The following LILRA1 variants were observed in gnomAD, a reference collection of about 807,000 sequenced individuals.
The protein encoded by LILRA1 is leukocyte immunoglobulin like receptor A1, also known as leukocyte immunoglobulin-like receptor subfamily A member 1.
LILRA1 carries 51 observed loss-of-function variants against 51.6 expected under a neutral mutation model. That is an observed-to-expected ratio of 0.99 (90% CI 0.79 to 1.25). The LOEUF is 1.25. Among genes scored for constraint, LILRA1 ranks in the 50% most tolerant of loss-of-function variants. The pLI, the probability that LILRA1 is intolerant of heterozygous loss-of-function variation, is 0.00. For synonymous variants in LILRA1, 305 were observed against 248.4 expected (o/e 1.23, Z -2.14); for missense variants, 660 against 611.7 (o/e 1.08, Z -0.83).
chr19:54,593,918 C>A, intron 1 of LILRA1, 137 bp downstream of exon 1: 1 of 662,876 alleles, frequency 1.5e-6, no homozygotes, highest in Non-Finnish European at 2.7e-6. Flanking sequence ...GTTCTATTTG[C>A]TGCTACATCC....
At chr19:54,594,388 G>A (rs1287000444) in intron 2 of LILRA1, 53 bp from the exon 3 acceptor site, 15 of 1,614,096 alleles carry the variant, frequency 9.3e-6, no homozygotes, top group Non-Finnish European at 1.3e-5. Flanking sequence ...CCAGGGAGGG[G>A]AGGACCTGCC....
At position 54,594,278 on chromosome 19, in the gene LILRA1, A is replaced by G. The variant is rs1974982; in HGVS notation, c.34A>G (p.Arg12Gly). The G allele has an allele frequency of 0.12, 189,399 of 1,551,122 alleles. 21,503 individuals carry two copies. Among genetic ancestry groups the G allele is most frequent in the African/African-American group, 0.47 (33,856 of 72,084 alleles). The change falls in exon 2 of 10, where the codon AGG becomes GGG. Residue 12 changes from arginine (R) to glycine (G), a missense_variant and splice_region_variant. Transcript: ENST00000251372. Reference protein sequence around the residue: ...TPIVTVLICLRLSLGPRTHVQ... With the variant: ...TPIVTVLICLGLSLGPRTHVQ... ...CATCGTCACAGTCCTGATCTGTCTC[A>G]GTGAGATTTGAAGAGGGAGGGGAGC...
chr19:54,595,149 C>T lies in LILRA1; in HGVS notation c.408C>T (p.Thr136=), dbSNP rs749705977. The T allele has an allele frequency of 1.2e-6, 2 of 1,614,156 alleles. No homozygotes were observed. The highest frequency in any genetic ancestry group is 2.2e-5 in the East Asian group (1 of 44,884). Residue 136 remains threonine (T), a synonymous_variant, in exon 5 of 10, where the codon ACC becomes ACT. Transcript: ENST00000251372. The part of the protein sequence containing the change: ...TLSALPSPVV[T]SGGNVTLHCV... ...CAGCTCTACCCAGCCCTGTGGTGAC[C>T]TCAGGAGGGAACGTGACCCTCCATT... is the stretch of plus-strand genomic sequence containing the variant.
rs553583131 is a variant in LILRA1 at position 54,601,224 on chromosome 19, G to C, written c.*407G>C. ...CATACTCCCTGGTGTGCTTTACTGA[G>C]CCTCCATCTCTTCAATTCAGAGTTC... On this transcript the variant is annotated 3_prime_UTR_variant, in exon 10 of 10. Transcript: ENST00000251372. 4.8e-6 allele frequency: 1 copy of C among 209,788 alleles called. No individual in the cohort carries two copies. The highest frequency in any genetic ancestry group is 9.6e-6 in the Non-Finnish European group (1 of 104,192). The allele number at this position is 209,788 out of a possible 1,614,324, so 13.0% of individuals were successfully genotyped here.
At position 54,596,152 on chromosome 19, in the gene LILRA1, G is replaced by A. The variant is rs377322683; in HGVS notation, c.959-37G>A. 3.4e-5 allele frequency: 55 copies of A among 1,600,922 alleles called. No homozygotes were observed. In the Middle Eastern group the frequency reaches 5.0e-4, roughly 15 times the overall value. On this transcript the variant is annotated intron_variant, in intron 6 of 9. Transcript: ENST00000251372. ...CTGGGGAGGCGTCAGCTCAGAACAA[G>A]GTGGGGCAGCCTCTCACCCATCCTT...
Sources: gnomAD v4.1 joint callset for allele counts on GRCh38, gnomAD v4.1.1 for gene constraint, MANE v1.5 for transcripts, NCBI Gene and HGNC (gene_info 2026-07-23, HGNC 2026-07-21) for gene names.